CSMD3: variants seen among roughly 807,000 people sequenced by gnomAD.
The protein encoded by CSMD3 is CUB and Sushi multiple domains 3, also known as CUB and sushi domain-containing protein 3.
A neutral mutation model predicts 435.2 loss-of-function variants in CSMD3; 177 were observed. That is an observed-to-expected ratio of 0.41 (90% CI 0.36 to 0.46). The LOEUF (loss-of-function observed/expected upper bound fraction) is 0.46, where lower values mean the gene tolerates loss of function less well. Ranked by LOEUF, CSMD3 falls within the 20% of genes least tolerant of loss-of-function variation. The pLI, the probability that CSMD3 is intolerant of heterozygous loss-of-function variation, is 0.34. For synonymous variants in CSMD3, 1,656 were observed against 1,520.5 expected (o/e 1.09, Z -2.07); for missense variants, 4,265 against 4,504.6 (o/e 0.95, Z 1.52).
At chr8:113,215,240 T>C (rs1271797493) in intron 3 of CSMD3, among the ~76,000 whole-genome samples, 1 of 151,920 alleles carries the variant, frequency 6.6e-6, no homozygotes, top group African/African-American at 2.4e-5. Flanking sequence ...CTGACATGGT[T>C]TGGTTGATCA....
At chr8:112,924,317 G>C (rs1459934646) in intron 9 of CSMD3, among the ~76,000 whole-genome samples, 1 of 152,164 alleles carries the variant, frequency 6.6e-6, no homozygotes, top group African/African-American at 2.4e-5. Context: ...TATTAGAAAA[G>C]TAGTAGCTAC....
At chr8:112,667,636 C>G (rs549526616) in intron 16 of CSMD3, among the ~76,000 whole-genome samples, 1 of 152,096 alleles carries the variant, frequency 6.6e-6, no homozygotes, top group South Asian at 2.1e-4. Flanking sequence ...TATTCTCTAG[C>G]CTTGTCTCAG....
intron 30 of CSMD3, among the ~76,000 whole-genome samples, chr8:112,495,738 T>G (rs1037551791): frequency 1.3e-5 from 2 of 152,112 alleles, no homozygotes; most frequent in Non-Finnish European, 2.9e-5. Context: ...ATTATTTTTA[T>G]GCATAATTAA....
intron 18 of CSMD3, among the ~76,000 whole-genome samples, chr8:112,651,368 A>G (rs1484114274): frequency 6.6e-6 from 1 of 152,172 alleles, no homozygotes; most frequent in East Asian, 1.9e-4. Flanking sequence ...AATTTTAAAG[A>G]CGGAAATTGT....
At chr8:112,651,292 T>G (rs2131637500) in intron 18 of CSMD3, among the ~76,000 whole-genome samples, 1 of 152,260 alleles carries the variant, frequency 6.6e-6, no homozygotes, top group Non-Finnish European at 1.5e-5. Flanking sequence ...TATGAGAAAA[T>G]ATTTATTTGT....
intron 5 of CSMD3, among the ~76,000 whole-genome samples, chr8:113,041,147 G>C (rs966729639): frequency 6.8e-6 from 1 of 147,972 alleles, no homozygotes; most frequent in African/African-American, 2.5e-5. Context: ...CAGAGGTTGC[G>C]GTGAGCCGAG....
chr8:112,969,400 A>G (rs1324758699), intron 7 of CSMD3, among the ~76,000 whole-genome samples: 4 of 152,010 alleles, frequency 2.6e-5, no homozygotes, highest in Non-Finnish European at 5.9e-5. Context: ...CTGTTAAACT[A>G]GAGTTTCTTT....
intron 4 of CSMD3, among the ~76,000 whole-genome samples, chr8:113,153,395 TAA>T (rs2091870985): frequency 6.6e-6 from 1 of 152,072 alleles, no homozygotes; most frequent in South Asian, 2.1e-4. Flanking sequence ...ATAATTATTA[TAA>T]GAGGCATAAT....
intron 38 of CSMD3, among the ~76,000 whole-genome samples, chr8:112,377,574 A>T (rs1193484902): frequency 2.0e-5 from 3 of 152,178 alleles, no homozygotes; most frequent in African/African-American, 4.8e-5. Context: ...ATCCCTTTTG[A>T]ATATGGATGC....
intron 27 of CSMD3, among the ~76,000 whole-genome samples, chr8:112,545,759 T>C (rs769966802): frequency 9.2e-5 from 14 of 152,236 alleles, no homozygotes; most frequent in African/African-American, 3.4e-4. Flanking sequence ...TTATAATTAC[T>C]GAGCACTGCA....
intron 1 of CSMD3, among the ~76,000 whole-genome samples, chr8:113,380,637 C>G (rs559301200): frequency 6.6e-6 from 1 of 152,232 alleles, no homozygotes; most frequent in South Asian, 2.1e-4. Context: ...AACCAAACTG[C>G]TTGAACAATA....
chr8:112,494,695 A>C (rs1302136892), intron 30 of CSMD3, among the ~76,000 whole-genome samples: 1 of 152,050 alleles, frequency 6.6e-6, no homozygotes, highest in Non-Finnish European at 1.5e-5. Context: ...AAAGAAAGCA[A>C]TTATATTAAA....
intron 7 of CSMD3, among the ~76,000 whole-genome samples, chr8:112,968,823 C>T (rs1206739493): frequency 6.6e-6 from 1 of 151,970 alleles, no homozygotes; most frequent in Admixed American, 6.6e-5. Flanking sequence ...GCTGGGCATA[C>T]ATTAGTATCC....
At chr8:112,933,247 C>G (rs2083173198) in intron 9 of CSMD3, among the ~76,000 whole-genome samples, 1 of 151,918 alleles carries the variant, frequency 6.6e-6, no homozygotes, top group South Asian at 2.1e-4. Context: ...CTCTATTATT[C>G]AGAATTGGGC....
At chr8:112,696,145 C>T (rs574341163) in intron 13 of CSMD3, among the ~76,000 whole-genome samples, 1 of 152,266 alleles carries the variant, frequency 6.6e-6, no homozygotes, top group South Asian at 2.1e-4. Flanking sequence ...AATGGCTATA[C>T]TGCCCAAGGT....
Position 112,562,613 on chromosome 8 carries a change from G to T in CSMD3, c.4043-5659C>A, listed in dbSNP as rs142134033. Among the ~76,000 whole-genome samples the T allele has an allele frequency of 3.6e-3, 542 of 151,180 alleles. 2 individuals carry two copies. The highest frequency in any genetic ancestry group is 0.013 in the African/African-American group (520 of 41,424). ...ATTAATAAAAGTTGATATAATGCAA[G>T]GAGACATGAATATTATATTATTATG... On this transcript the variant is annotated intron_variant, in intron 24 of 70. Transcript: ENST00000297405.
At chr8:112,633,348 G>A (rs1224271052) in intron 22 of CSMD3, among the ~76,000 whole-genome samples, 3 of 151,968 alleles carry the variant, frequency 2.0e-5, no homozygotes, top group African/African-American at 7.2e-5. Flanking sequence ...TACTACTGTG[G>A]ACCATACACA....
At chr8:112,679,864 C>A (rs1437626282) in intron 16 of CSMD3, among the ~76,000 whole-genome samples, 1 of 152,148 alleles carries the variant, frequency 6.6e-6, no homozygotes, top group African/African-American at 2.4e-5. Context: ...CATTTCCCAG[C>A]TGCAATGGCT....
chr8:112,444,956 T>C (rs939575344), intron 32 of CSMD3, among the ~76,000 whole-genome samples: 2 of 152,094 alleles, frequency 1.3e-5, no homozygotes, highest in Admixed American at 1.3e-4. Context: ...ACAAAAGACA[T>C]AGCAGGCCAA....
Sources: gnomAD v4.1 joint callset for allele counts (sites outside exome capture counted in the v4.1 genomes callset) on GRCh38, gnomAD v4.1.1 for gene constraint, MANE v1.5 for transcripts, NCBI Gene and HGNC (gene_info 2026-07-23, HGNC 2026-07-21) for gene names.